SLCO1C1: variants seen among roughly 807,000 people sequenced by gnomAD.
SLCO1C1 encodes the protein solute carrier organic anion transporter family member 1C1, also known as OAT-RP-5.
A neutral mutation model predicts 76.4 loss-of-function variants in SLCO1C1; 70 were observed. That is an observed-to-expected ratio of 0.92 (90% CI 0.76 to 1.12). SLCO1C1 has a LOEUF of 1.12. Ranked by LOEUF, SLCO1C1 falls within the 50% of genes most tolerant of loss-of-function variation. The pLI is 0.00. For synonymous variants in SLCO1C1, 306 were observed against 286.1 expected (o/e 1.07, Z -0.70); for missense variants, 912 against 823.8 (o/e 1.11, Z -1.31).
Position 20,699,710 on chromosome 12 carries a change from A to G in SLCO1C1, c.129+5A>G. On this transcript the variant is annotated splice_donor_5th_base_variant and intron_variant, in intron 2 of 14. Coordinates refer to ENST00000266509, the MANE Select transcript of SLCO1C1 (RefSeq NM_017435.5). ...CCATGCTGTGGTGAACTAAAGGTAG[A>G]GCAACCAAGAAGTAAATAGTGTTGA... 2.5e-6 allele frequency: 4 copies of G among 1,606,014 alleles called. No homozygotes were observed. Among genetic ancestry groups the G allele is most frequent in the South Asian group, 1.1e-5 (1 of 89,664 alleles).
At chr12:20,739,538 A>C (rs1241161639) in intron 11 of SLCO1C1, among the ~76,000 whole-genome samples, 1 of 152,112 alleles carries the variant, frequency 6.6e-6, no homozygotes, top group Non-Finnish European at 1.5e-5. Context: ...TGAGGCATGG[A>C]TGAACTTGCC....
At chr12:20,713,548 C>T (rs1442811339) in intron 5 of SLCO1C1, among the ~76,000 whole-genome samples, 3 of 152,166 alleles carry the variant, frequency 2.0e-5, no homozygotes, top group Non-Finnish European at 4.4e-5. Flanking sequence ...ATTTCCCTTC[C>T]TTCAGGTGAG....
chr12:20,699,149 A>C (rs71446713), intron 1 of SLCO1C1, among the ~76,000 whole-genome samples: 5,253 of 152,176 alleles, frequency 0.035, 124 homozygotes, highest in Middle Eastern at 0.058. Flanking sequence ...AGATAGATTT[A>C]AAGGCTTTAA....
chr12:20,703,371 A>G (rs1946616259), intron 3 of SLCO1C1, among the ~76,000 whole-genome samples: 1 of 150,566 alleles, frequency 6.6e-6, no homozygotes, highest in Non-Finnish European at 1.5e-5. Context: ...AAAACAAAAT[A>G]TAATTTCGTA....
intron 2 of SLCO1C1, among the ~76,000 whole-genome samples, 153 bp from the exon 3 acceptor site, chr12:20,701,165 C>T (rs188648824): frequency 1.3e-4 from 20 of 152,206 alleles, no homozygotes; most frequent in Non-Finnish European, 2.1e-4. Context: ...ATGGAAACCT[C>T]GAACAGTGTT....
At chr12:20,737,439 T>C (rs1442324431) in intron 11 of SLCO1C1, among the ~76,000 whole-genome samples, 167 bp downstream of exon 11, 2 of 152,192 alleles carry the variant, frequency 1.3e-5, no homozygotes, top group East Asian at 3.8e-4. Context: ...CTAGTGGTAC[T>C]GGAGTTGCTG....
Position 20,753,306 on chromosome 12 carries a change from T to G in SLCO1C1, c.*778T>G, listed in dbSNP as rs1330362067. ...TTAATATATGTAAGCAACTTCCTAC[T>G]TATACACGACGTGTTCCTAAAACAT... On this transcript the variant is annotated 3_prime_UTR_variant, in exon 15 of 15. Coordinates refer to ENST00000266509, the MANE Select transcript of SLCO1C1 (RefSeq NM_017435.5). 2 of 152,178 alleles carry G rather than the reference T, an allele frequency of 1.3e-5. No homozygotes were observed. Among genetic ancestry groups the G allele is most frequent in the African/African-American group, 4.8e-5 (2 of 41,448 alleles). The allele number at this position is 152,178 out of a possible 1,614,324, so 9.4% of individuals were successfully genotyped here. A position where few individuals can be genotyped will look rare whatever the true frequency, so the allele number is the denominator to read the frequency against.
chr12:20,746,477 T>TAA (rs35402736), intron 13 of SLCO1C1, among the ~76,000 whole-genome samples: 60 of 149,224 alleles, frequency 4.0e-4, no homozygotes, highest in Admixed American at 6.0e-4. Flanking sequence ...AAGCATAGAT[T>TAA]AAAAAAAAAA....
chr12:20,746,741 G>A (rs1357921419), intron 13 of SLCO1C1, among the ~76,000 whole-genome samples: 2 of 151,410 alleles, frequency 1.3e-5, no homozygotes, highest in East Asian at 1.9e-4. Flanking sequence ...GATGATAGGG[G>A]AATCAATTAA....
chr12:20,712,634 TAATA>T (rs2120686002), intron 5 of SLCO1C1, among the ~76,000 whole-genome samples: 1 of 152,264 alleles, frequency 6.6e-6, no homozygotes, highest in East Asian at 1.9e-4. Flanking sequence ...TTTCTAAAAT[TAATA>T]TATACCTGCC....
chr12:20,701,645 A>G (rs1170101093), intron 3 of SLCO1C1, among the ~76,000 whole-genome samples, 186 bp downstream of exon 3: 1 of 150,694 alleles, frequency 6.6e-6, no homozygotes, highest in Admixed American at 6.6e-5. Flanking sequence ...AGAGCAATCA[A>G]CAGTAAATTT....
intron 1 of SLCO1C1, among the ~76,000 whole-genome samples, chr12:20,696,558 AG>A: frequency 6.6e-6 from 1 of 152,266 alleles, no homozygotes; most frequent in South Asian, 2.1e-4. Flanking sequence ...TTTGAACCAA[AG>A]GAAGAGAAAC....
chr12:20,741,294 C>A (rs917328065), intron 12 of SLCO1C1, among the ~76,000 whole-genome samples: 4 of 152,020 alleles, frequency 2.6e-5, no homozygotes, highest in Non-Finnish European at 5.9e-5. Flanking sequence ...AGGACTTCAA[C>A]CATTTTTGCT....
At position 20,740,279 on chromosome 12, in the gene SLCO1C1, C is replaced by T; in HGVS notation, c.1644C>T (p.Pro548=). The change falls in exon 12 of 15, where the codon CCC becomes CCT. Residue 548 remains proline, a synonymous_variant. Coordinates refer to ENST00000266509, the MANE Select transcript of SLCO1C1 (RefSeq NM_017435.5). ...GATGTCAGAAAGACAATGGATGTCC[C>T]CAAATGTTTCTGTATTTCCTTGTAA... ...VGRCQKDNGC[P]QMFLYFLVIS... is the part of the protein sequence containing the mutation. The T allele has an allele frequency of 6.2e-7, 1 of 1,613,788 alleles. No homozygotes were observed. The highest frequency in any genetic ancestry group is 8.5e-7 in the Non-Finnish European group (1 of 1,179,880).
intron 10 of SLCO1C1, among the ~76,000 whole-genome samples, chr12:20,733,336 G>C (rs1948384534): frequency 1.3e-5 from 2 of 152,084 alleles, no homozygotes; most frequent in South Asian, 4.1e-4. Context: ...TTTTACACTA[G>C]AGAACCAACC....
chr12:20,700,596 C>A (rs554522296), intron 2 of SLCO1C1, among the ~76,000 whole-genome samples: 1 of 151,668 alleles, frequency 6.6e-6, no homozygotes. Context: ...TGTCCCTCCC[C>A]GCTCCCCCAA....
At chr12:20,742,496 T>A (rs540138730) in intron 12 of SLCO1C1, among the ~76,000 whole-genome samples, 16 of 152,166 alleles carry the variant, frequency 1.1e-4, no homozygotes, top group African/African-American at 2.9e-4. Flanking sequence ...AATGACACTC[T>A]TATTATTTAG....
chr12:20,711,549 A>G, intron 5 of SLCO1C1, 39 bp downstream of exon 5: 1 of 1,601,230 alleles, frequency 6.2e-7, no homozygotes, highest in Non-Finnish European at 8.5e-7. Flanking sequence ...CAAGCTTTTA[A>G]AAAAAAGACT....
chr12:20,732,612 G>A (rs1421321002), intron 9 of SLCO1C1, among the ~76,000 whole-genome samples: 1 of 152,016 alleles, frequency 6.6e-6, no homozygotes, highest in African/African-American at 2.4e-5. Flanking sequence ...GCACCTAATT[G>A]CTACCTAATT....
Sources: gnomAD v4.1 joint callset for allele counts (sites outside exome capture counted in the v4.1 genomes callset) on GRCh38, gnomAD v4.1.1 for gene constraint, MANE v1.5 for transcripts, NCBI Gene and HGNC (gene_info 2026-07-23, HGNC 2026-07-21) for gene names.